BRD4: variants seen among roughly 807,000 people sequenced by gnomAD.
BRD4 encodes bromodomain-containing protein 4.
A neutral mutation model predicts 142.1 loss-of-function variants in BRD4; 16 were observed. The observed-to-expected ratio is 0.11, with a 90% CI of 0.08 to 0.17. The LOEUF is 0.17. Ranked by LOEUF, BRD4 falls within the 10% of genes least tolerant of loss-of-function variation. BRD4 has a pLI of 1.00. For missense variants in BRD4, 1,424 were observed against 1,810.9 expected (o/e 0.79, Z 3.88); for synonymous variants, 833 against 707.5 (o/e 1.18, Z -2.82).
In BRD4 at chr19:15,313,830, G is replaced by C. The variant is rs80285649; in HGVS notation, c.-35+18460C>G. 4.3e-4 allele frequency among the ~76,000 whole-genome samples: 66 copies of C among 152,308 alleles called. No individual in the cohort carries two copies. In the East Asian group the frequency reaches 0.011, roughly 26 times the overall value. ...AACTAATGGGCAGGCAGGAGGGTGTGCATCATCCACCTTGCTTACCGCTGA... is the reference window on the plus strand; with the variant it reads ...AACTAATGGGCAGGCAGGAGGGTGTCCATCATCCACCTTGCTTACCGCTGA... On this transcript the variant is annotated intron_variant, in intron 1 of 19. Transcript: ENST00000679869.
chr19:15,304,449 T>A (rs2047896705), intron 1 of BRD4, among the ~76,000 whole-genome samples: 1 of 152,200 alleles, frequency 6.6e-6, no homozygotes, highest in Non-Finnish European at 1.5e-5. Context: ...CTATAATAAA[T>A]GCATCAGATA....
At chr19:15,244,873 C>T (rs1481888991) in intron 11 of BRD4, 111 bp from the exon 12 acceptor site, 2 of 1,576,702 alleles carry the variant, frequency 1.3e-6, no homozygotes, top group Non-Finnish European at 8.6e-7. Context: ...GACCAGTGAC[C>T]CTGAGAAAGG....
intron 1 of BRD4, among the ~76,000 whole-genome samples, chr19:15,313,169 A>C (rs1225848490): frequency 1.3e-5 from 2 of 150,364 alleles, no homozygotes; most frequent in African/African-American, 4.9e-5. Flanking sequence ...CAGGAGATCG[A>C]GACCATCCTG....
At chr19:15,322,223 C>A (rs1017778787) in intron 1 of BRD4, among the ~76,000 whole-genome samples, 1 of 152,148 alleles carries the variant, frequency 6.6e-6, no homozygotes, top group Non-Finnish European at 1.5e-5. Flanking sequence ...CCCCTATACA[C>A]CAATTGCAAT....
Position 15,272,872 on chromosome 19 carries a change from T to C in BRD4, c.228A>G (p.Lys76=). The C allele has an allele frequency of 1.2e-6, 2 of 1,614,112 alleles. No homozygotes were observed. The highest frequency in any genetic ancestry group is 1.7e-6 in the Non-Finnish European group (2 of 1,180,008). Residue 76 remains lysine, a synonymous_variant, in exon 2 of 20, where the codon AAA becomes AAG. Coordinates refer to ENST00000679869, the MANE Select transcript of BRD4 (RefSeq NM_001379291.1). ...GCTGGAAAGGCCATGCAAACTGGTGTTTCCATAGTGTCTTGAGCACCACTC... is the reference window on the plus strand; with the variant it reads ...GCTGGAAAGGCCATGCAAACTGGTGCTTCCATAGTGTCTTGAGCACCACTC... The part of the protein sequence containing the change: ...LLRVVLKTLW[K]HQFAWPFQQP...
At chr19:15,301,130 A>G (rs2047863770) in intron 1 of BRD4, among the ~76,000 whole-genome samples, 1 of 152,258 alleles carries the variant, frequency 6.6e-6, no homozygotes, top group African/African-American at 2.4e-5. Context: ...CCCACTAAGT[A>G]GTCAGATGAC....
intron 5 of BRD4, 70 bp downstream of exon 5, chr19:15,265,279 CTGTGT>C (rs1318458494): frequency 8.1e-6 from 11 of 1,357,186 alleles, no homozygotes; most frequent in Non-Finnish European, 1.1e-5. Flanking sequence ...AGGACAGGCT[CTGTGT>C]AAAGCACGGG....
chr19:15,293,029 G>A lies in BRD4; in HGVS notation c.-34-19896C>T, dbSNP rs1378123969. 2.0e-5 allele frequency among the ~76,000 whole-genome samples: 3 copies of A among 151,778 alleles called. No individual in the cohort carries two copies. In the East Asian group the frequency reaches 5.8e-4, roughly 29 times the overall value. On this transcript the variant is annotated intron_variant, in intron 1 of 19. Transcript: ENST00000679869. ...CCAGACCACACCAAGTGCACACCTG[G>A]GTGTCTCCACAACAGCCGACTACTG...
chr19:15,323,110 G>C (rs895403671), intron 1 of BRD4, among the ~76,000 whole-genome samples: 3 of 143,290 alleles, frequency 2.1e-5, no homozygotes, highest in Non-Finnish European at 3.0e-5. Flanking sequence ...GGGAGGCTGA[G>C]GCAGGAGGAT....
At chr19:15,264,161 T>TC in intron 6 of BRD4, 1 of 474,114 alleles carries the variant, frequency 2.1e-6, no homozygotes, top group East Asian at 3.6e-5. Context: ...GTCTTGCTTT[T>TC]CCTCAGACTA....
intron 11 of BRD4, chr19:15,253,240 A>G: frequency 2.2e-6 from 1 of 448,032 alleles, no homozygotes; most frequent in Non-Finnish European, 4.0e-6. Context: ...ATCTCTCAGC[A>G]GGGGCTGGTC....
intron 1 of BRD4, among the ~76,000 whole-genome samples, chr19:15,295,045 TA>T (rs2047812487): frequency 6.6e-6 from 1 of 152,220 alleles, no homozygotes; most frequent in Non-Finnish European, 1.5e-5. Context: ...TGCTATTAAA[TA>T]AAAGGTTCCA....
intron 7 of BRD4, among the ~76,000 whole-genome samples, chr19:15,257,649 T>C (rs1365528053): frequency 6.6e-6 from 1 of 152,140 alleles, no homozygotes; most frequent in Non-Finnish European, 1.5e-5. Flanking sequence ...GGAATGTACC[T>C]GCCACAAGCG....
chr19:15,237,245 T>TC lies in BRD4; in HGVS notation c.*1131_*1132insG, dbSNP rs1188125743. The TC allele has an allele frequency of 1.3e-4, 3 of 23,896 alleles. No individual in the cohort carries two copies. The highest frequency in any genetic ancestry group is 2.1e-4 in the Non-Finnish European group (3 of 14,400). 1.5% of individuals were successfully genotyped at this position (23,896 alleles called of 1,614,324 possible). A position where few individuals can be genotyped will look rare whatever the true frequency, so the allele number is the denominator to read the frequency against. ...AAAAACAAAAAAGCCAACAAATGGG[T>TC]GGGGGGGGGGGGGGTGGAGGGGAAA... On this transcript the variant is annotated 3_prime_UTR_variant, in exon 20 of 20. Transcript: ENST00000679869.
intron 9 of BRD4, among the ~76,000 whole-genome samples, 171 bp downstream of exon 9, chr19:15,255,891 CAG>C (rs2047403098): frequency 6.6e-6 from 1 of 152,224 alleles, no homozygotes; most frequent in Non-Finnish European, 1.5e-5. Context: ...GAGGCAGAGA[CAG>C]TGCAGCTAAG....
intron 14 of BRD4, among the ~76,000 whole-genome samples, chr19:15,241,952 A>G (rs1373267125): frequency 6.6e-6 from 1 of 151,774 alleles, no homozygotes; most frequent in African/African-American, 2.4e-5. Context: ...GGCTGGGATT[A>G]CAGGTGCCTG....
chr19:15,282,069 C>G (rs540085550), intron 1 of BRD4, among the ~76,000 whole-genome samples: 1 of 152,288 alleles, frequency 6.6e-6, no homozygotes, highest in South Asian at 2.1e-4. Flanking sequence ...AAAATGTATT[C>G]CAGCAGGGGC....
chr19:15,283,923 G>C (rs371021490), intron 1 of BRD4, among the ~76,000 whole-genome samples: 5 of 152,162 alleles, frequency 3.3e-5, no homozygotes, highest in African/African-American at 1.2e-4. Context: ...GCCATGACTA[G>C]CAAGAGCCCT....
At chr19:15,299,442 G>A (rs1225823005) in intron 1 of BRD4, among the ~76,000 whole-genome samples, 1 of 152,182 alleles carries the variant, frequency 6.6e-6, no homozygotes, top group Non-Finnish European at 1.5e-5. Flanking sequence ...TATGCCCACA[G>A]CAAAGTAATC....
Sources: gnomAD v4.1 joint callset for allele counts (sites outside exome capture counted in the v4.1 genomes callset) on GRCh38, gnomAD v4.1.1 for gene constraint, MANE v1.5 for transcripts, NCBI Gene and HGNC (gene_info 2026-07-23, HGNC 2026-07-21) for gene names.